The following FGF12 variants were observed in gnomAD, a reference collection of about 807,000 sequenced individuals.
FGF12 encodes the protein fibroblast growth factor 12.
A neutral mutation model predicts 23.6 loss-of-function variants in FGF12; 14 were observed. The observed-to-expected ratio is 0.59, with a 90% CI of 0.39 to 0.93. The LOEUF is 0.93. FGF12 is among the 40% of genes least tolerant of loss of function. FGF12 has a pLI of 0.00. For synonymous variants in FGF12, 62 were observed against 77.3 expected (o/e 0.80, Z 1.04); for missense variants, 175 against 217.8 (o/e 0.80, Z 1.24).
At chr3:192,309,642 G>A (rs1715833056) in intron 4 of FGF12, among the ~76,000 whole-genome samples, 1 of 152,150 alleles carries the variant, frequency 6.6e-6, no homozygotes, top group Non-Finnish European at 1.5e-5. Flanking sequence ...TTTCATGGTG[G>A]AGGTATACTG....
intron 4 of FGF12, among the ~76,000 whole-genome samples, chr3:192,231,811 AG>A (rs200239661): frequency 9.3e-4 from 142 of 152,028 alleles, no homozygotes; most frequent in African/African-American, 3.0e-3. Flanking sequence ...TACGTTCAAT[AG>A]GAAAAAAAAA....
intron 3 of FGF12, among the ~76,000 whole-genome samples, chr3:192,346,890 T>C (rs553923108): frequency 6.6e-5 from 10 of 152,262 alleles, no homozygotes; most frequent in South Asian, 2.1e-4. Context: ...AAAACAGCGA[T>C]GATTTGCACC....
At chr3:192,266,817 CACACACAT>C (rs1410276056) in intron 4 of FGF12, among the ~76,000 whole-genome samples, 2 of 151,968 alleles carry the variant, frequency 1.3e-5, no homozygotes, top group African/African-American at 4.8e-5. Flanking sequence ...CACACACACA[CACACACAT>C]ACACTACCTC....
intron 2 of FGF12, among the ~76,000 whole-genome samples, chr3:192,665,559 G>C (rs1716836286): frequency 8.2e-6 from 1 of 122,104 alleles, no homozygotes; most frequent in African/African-American, 3.1e-5. Context: ...TAAACAATGA[G>C]AACACAGGGA....
chr3:192,683,701 CT>C (rs1052731042), intron 2 of FGF12, among the ~76,000 whole-genome samples: 1 of 152,198 alleles, frequency 6.6e-6, no homozygotes, highest in Non-Finnish European at 1.5e-5. Context: ...TATATCATCT[CT>C]TTAAATGCTA....
chr3:192,518,262 G>C (rs1216419992), intron 2 of FGF12, among the ~76,000 whole-genome samples: 1 of 152,066 alleles, frequency 6.6e-6, no homozygotes, highest in Non-Finnish European at 1.5e-5. Context: ...CACCAGTGTG[G>C]CTTCAAAATA....
chr3:192,714,589 G>A (rs980167903), intron 2 of FGF12, among the ~76,000 whole-genome samples: 1 of 145,528 alleles, frequency 6.9e-6, no homozygotes, highest in African/African-American at 2.6e-5. Flanking sequence ...CGCAATCTCG[G>A]CTCACTGCAA....
chr3:192,578,604 A>T (rs1340569441), intron 2 of FGF12, among the ~76,000 whole-genome samples: 1 of 152,148 alleles, frequency 6.6e-6, no homozygotes, highest in Admixed American at 6.5e-5. Flanking sequence ...CCTCAGAGAC[A>T]CCCAGTACTT....
intron 4 of FGF12, among the ~76,000 whole-genome samples, chr3:192,180,725 A>G (rs148724636): frequency 1.2e-4 from 18 of 152,320 alleles, no homozygotes; most frequent in Middle Eastern, 3.4e-3. Flanking sequence ...ATGAAGTCAA[A>G]CTAACTGATA....
chr3:192,379,546 G>A (rs1576929388), intron 2 of FGF12, among the ~76,000 whole-genome samples: 1 of 152,108 alleles, frequency 6.6e-6, no homozygotes, highest in South Asian at 2.1e-4. Flanking sequence ...CAATCCTTTG[G>A]GGAATCTTTA....
intron 4 of FGF12, among the ~76,000 whole-genome samples, chr3:192,297,015 G>T (rs1020545276): frequency 6.6e-6 from 1 of 152,112 alleles, no homozygotes; most frequent in African/African-American, 2.4e-5. Flanking sequence ...AAATTGCTTT[G>T]TTCAAGTTTC....
intron 2 of FGF12, among the ~76,000 whole-genome samples, chr3:192,696,760 T>C (rs1718137065): frequency 6.6e-6 from 1 of 152,056 alleles, no homozygotes; most frequent in South Asian, 2.1e-4. Context: ...TAAATGTGAA[T>C]TCTAGCTCAG....
intron 3 of FGF12, among the ~76,000 whole-genome samples, chr3:192,343,998 T>C (rs542053967): frequency 6.9e-6 from 1 of 144,622 alleles, no homozygotes; most frequent in Non-Finnish European, 1.6e-5. Context: ...AGTAATTTAA[T>C]GAGGTTGCAA....
Position 192,668,136 on chromosome 3 carries a change from A to G in FGF12, c.13+59045T>C, listed in dbSNP as rs558880863. On this transcript the variant is annotated intron_variant, in intron 2 of 5. Coordinates refer to ENST00000445105, the MANE Select transcript of FGF12 (RefSeq NM_004113.6). The stretch of plus-strand genomic sequence containing the variant: ...GATAAATGGGTAGAAATGGCAGATT[A>G]AGCACATACCAAAAATTCCATCTTC... Among the ~76,000 whole-genome samples the G allele has an allele frequency of 3.8e-4, 58 of 152,282 alleles. No homozygotes were observed. The South Asian group carries it at 0.012, about 32-fold the overall frequency.
At chr3:192,170,406 G>T in intron 5 of FGF12, 52 bp downstream of exon 5, 1 of 1,476,800 alleles carries the variant, frequency 6.8e-7, no homozygotes, top group South Asian at 1.2e-5. Flanking sequence ...AAGCAGAATT[G>T]ATGTCAACAC....
chr3:192,573,432 C>A lies in FGF12; in HGVS notation c.13+153749G>T, dbSNP rs181307948. ...ATTGACCTCTGTAATGGTGGGTGGG[C>A]CTCATCCAATCAGTTGAAGGCCTGA... On this transcript the variant is annotated intron_variant, in intron 2 of 5. Transcript: ENST00000445105. Among the ~76,000 whole-genome samples, 4 of 152,180 alleles carry A rather than the reference C, an allele frequency of 2.6e-5. No individual in the cohort carries two copies. In the East Asian group the frequency reaches 5.8e-4, roughly 22 times the overall value.
chr3:192,191,429 C>G (rs1162278416), intron 4 of FGF12, among the ~76,000 whole-genome samples: 1 of 152,190 alleles, frequency 6.6e-6, no homozygotes, highest in East Asian at 1.9e-4. Context: ...TAATGTGCCA[C>G]TAATGCAGAA....
intron 2 of FGF12, among the ~76,000 whole-genome samples, chr3:192,563,911 C>T (rs551898216): frequency 2.0e-5 from 3 of 152,150 alleles, no homozygotes; most frequent in Non-Finnish European, 2.9e-5. Context: ...AAGTGTATTG[C>T]AAGACATAGG....
chr3:192,514,680 G>C lies in FGF12; in HGVS notation c.14-154142C>G. 1.0e-6 allele frequency: 1 copy of C among 985,086 alleles called. No homozygotes were observed. Among genetic ancestry groups the C allele is most frequent in the South Asian group, 4.7e-5 (1 of 21,284 alleles). The allele number at this position is 985,086 out of a possible 1,614,324, so 61.0% of individuals were successfully genotyped here. A position where few individuals can be genotyped will look rare whatever the true frequency, so the allele number is the denominator to read the frequency against. The stretch of plus-strand genomic sequence containing the variant: ...ACATTTTCTCACCACTTGGGCTGTC[G>C]CTGGACCTCAGGCTCCTTCCACAGA... On this transcript the variant is annotated intron_variant, in intron 2 of 5. Coordinates refer to ENST00000445105, the MANE Select transcript of FGF12 (RefSeq NM_004113.6). This position sits in a 1 kb window ranked among gnomAD's most constrained non-coding sequence, Gnocchi z 4.9.
Sources: gnomAD v4.1 joint callset for allele counts (sites outside exome capture counted in the v4.1 genomes callset) on GRCh38, gnomAD v4.1.1 for gene constraint, Gnocchi (gnomAD v3.1) non-coding constraint, MANE v1.5 for transcripts, NCBI Gene and HGNC (gene_info 2026-07-23, HGNC 2026-07-21) for gene names.